Variants in ALPK2 observed in about 807,000 individuals in gnomAD.
ALPK2 encodes alpha kinase 2.
In ALPK2, 127 loss-of-function variants were observed where a neutral mutation model predicts 163.1. The observed-to-expected ratio is 0.78, with a 90% CI of 0.67 to 0.90. The LOEUF (loss-of-function observed/expected upper bound fraction) is 0.90. Ranked by LOEUF, ALPK2 falls within the 40% of genes least tolerant of loss-of-function variation. The pLI is 0.00. For missense variants in ALPK2, 2,360 were observed against 2,589.6 expected, an observed-to-expected ratio of 0.91 and a Z score of 1.92; for synonymous variants, 953 against 959.1, an observed-to-expected ratio of 0.99 and a Z score of 0.12.
chr18:58,516,156 C>A (rs2051520251), intron 9 of ALPK2, among the ~76,000 whole-genome samples: 1 of 151,652 alleles, frequency 6.6e-6, no homozygotes, highest in Non-Finnish European at 1.5e-5. Flanking sequence ...GAGGCCGAGA[C>A]TGCTGTGGAG....
intron 4 of ALPK2, among the ~76,000 whole-genome samples, chr18:58,573,943 C>T (rs2051905193): frequency 6.6e-6 from 1 of 152,118 alleles, no homozygotes; most frequent in East Asian, 1.9e-4. Flanking sequence ...GGACCATCCA[C>T]CACATGTTTT....
intron 3 of ALPK2, chr18:58,580,768 C>A: frequency 1.8e-6 from 1 of 563,582 alleles, no homozygotes; most frequent in South Asian, 2.2e-5. Flanking sequence ...TCCCTTGAAA[C>A]TTTCCTCAAC....
At chr18:58,551,110 G>GA (rs34939805) in intron 4 of ALPK2, among the ~76,000 whole-genome samples, 27,220 of 146,522 alleles carry the variant, frequency 0.19, 2,683 homozygotes, top group East Asian at 0.31. Context: ...AACAAAAATG[G>GA]AAAAAAAAAA....
In ALPK2 at chr18:58,579,947, A is replaced by G. The variant is rs149459736; in HGVS notation, c.829T>C (p.Ser277Pro). The G allele has an allele frequency of 4.3e-6, 7 of 1,614,072 alleles. No homozygotes were observed. The African/African-American group carries it at 5.3e-5, about 12-fold the overall frequency. Residue 277 changes from serine to proline, a missense_variant, in exon 4 of 13, where the codon TCT (serine) becomes CCT (proline). Coordinates refer to ENST00000361673, the MANE Select transcript of ALPK2 (RefSeq NM_052947.4). ...GGGTAAATGTGTGCAGTTGCCTCAG[A>G]TAGCGGGAGGCTGAAGCTAATGTAT... ...QKYISFSLPL[S>P]EATAHIYPGD...
At chr18:58,590,199 G>A (rs529053846) in intron 3 of ALPK2, among the ~76,000 whole-genome samples, 7 of 144,658 alleles carry the variant, frequency 4.8e-5, no homozygotes, top group South Asian at 2.2e-4. Context: ...CAACCTGGGC[G>A]ACAGAGCGAG....
intron 4 of ALPK2, 60 bp downstream of exon 4, chr18:58,578,754 A>G (rs1388939537): frequency 7.5e-3 from 8,074 of 1,079,582 alleles, no homozygotes; most frequent in Non-Finnish European, 9.1e-3. Context: ...ACACACACAC[A>G]CACACACACA....
At chr18:58,607,923 A>C (rs746632111) in intron 2 of ALPK2, among the ~76,000 whole-genome samples, 51 of 152,296 alleles carry the variant, frequency 3.3e-4, no homozygotes, top group Middle Eastern at 6.8e-3. Context: ...TCTAGGAGAA[A>C]AGATAATCCT....
At chr18:58,619,068 C>T (rs998741653) in intron 1 of ALPK2, among the ~76,000 whole-genome samples, 3 of 152,226 alleles carry the variant, frequency 2.0e-5, no homozygotes, top group Non-Finnish European at 4.4e-5. Flanking sequence ...GGACACCGCA[C>T]CCTCTGTCAC....
intron 3 of ALPK2, among the ~76,000 whole-genome samples, chr18:58,590,484 T>C (rs921899221): frequency 1.3e-5 from 2 of 152,178 alleles, no homozygotes; most frequent in African/African-American, 4.8e-5. Flanking sequence ...GGAAGAGGGC[T>C]CCACTCAATA....
rs2051513739 is a variant in ALPK2, at chr18:58,515,005, C to T, written c.6017G>A (p.Gly2006Glu). ...TAAACACACTTACTCAGGTACTTCT[C>T]CAAAGCCTTCCAGAGGCTGTGCTTC... ...AAEAQPLEGF[G>E]EVPEIIPIFL... The change falls in exon 10 of 13, where the codon GGA becomes GAA. Residue 2006 changes from glycine to glutamate, a missense_variant. Gly to Glu is a moderately conservative substitution (Grantham distance 98). Coordinates refer to ENST00000361673, the MANE Select transcript of ALPK2 (RefSeq NM_052947.4). 2 of 1,612,592 alleles carry T rather than the reference C, an allele frequency of 1.2e-6. No homozygotes were observed. The highest frequency in any genetic ancestry group is 1.7e-6 in the Non-Finnish European group (2 of 1,179,198).
chr18:58,573,614 T>TTC lies in ALPK2; in HGVS notation c.1962+5199_1962+5200insGA, dbSNP rs1491546255. ...GAGGCATGTTGCCATTTTTGTCTTC[T>TTC]TTTTTTTTTTTTTTTTTTTTTTTAG... On this transcript the variant is annotated intron_variant, in intron 4 of 12. Coordinates refer to ENST00000361673, the MANE Select transcript of ALPK2 (RefSeq NM_052947.4). Among the ~76,000 whole-genome samples the TTC allele has an allele frequency of 1.0e-4, 3 of 28,588 alleles. No homozygotes were observed. The East Asian group carries it at 0.011, about 101-fold the overall frequency. The allele number at this position is 28,588 out of a possible 152,430, so 18.8% of individuals were successfully genotyped here.
At chr18:58,556,166 A>G (rs910208602) in intron 4 of ALPK2, among the ~76,000 whole-genome samples, 1 of 137,072 alleles carries the variant, frequency 7.3e-6, no homozygotes, top group Non-Finnish European at 1.5e-5. Context: ...ATTGGACTAG[A>G]TCTCACACAC....
chr18:58,544,488 T>C lies in ALPK2; in HGVS notation c.1963-6264A>G, dbSNP rs373037441. On this transcript the variant is annotated intron_variant, in intron 4 of 12. Transcript: ENST00000361673. ...AAGGTTGTATGAGATAAGATCCCTC[T>C]CCTCAAATAGCTTATAATCCAGTTG... 9.9e-5 allele frequency: 15 copies of C among 152,284 alleles called. No homozygotes were observed. The East Asian group carries it at 2.9e-3, about 29-fold the overall frequency. 9.4% of individuals were successfully genotyped at this position (152,284 alleles called of 1,614,324 possible).
chr18:58,577,330 C>CT (rs1484601058), intron 4 of ALPK2, among the ~76,000 whole-genome samples: 1 of 152,160 alleles, frequency 6.6e-6, no homozygotes, highest in Non-Finnish European at 1.5e-5. Flanking sequence ...AAATAGCCCC[C>CT]TTCCCTTCCA....
At chr18:58,578,410 T>C (rs2051933156) in intron 4 of ALPK2, 1 of 159,300 alleles carries the variant, frequency 6.3e-6, no homozygotes, top group Non-Finnish European at 1.4e-5. Flanking sequence ...AATGTTTTTT[T>C]CCCCCTTCTT....
At position 58,550,453 on chromosome 18, in the gene ALPK2, C is replaced by A. The variant is rs887438003; in HGVS notation, c.1963-12229G>T. Among the ~76,000 whole-genome samples the A allele has an allele frequency of 2.1e-5, 3 of 145,228 alleles. No individual in the cohort carries two copies. The South Asian group carries it at 7.2e-4, about 35-fold the overall frequency. On this transcript the variant is annotated intron_variant, in intron 4 of 12. Coordinates refer to ENST00000361673, the MANE Select transcript of ALPK2 (RefSeq NM_052947.4). Reference sequence around the variant, plus strand: ...ACTCTACCCCCATCTATATCATATACAACCCCATCCCCATCTCCATCATAT... The same window carrying A: ...ACTCTACCCCCATCTATATCATATAAAACCCCATCCCCATCTCCATCATAT...
At chr18:58,529,284 A>T in intron 5 of ALPK2, 46 bp from the exon 6 acceptor site, 1 of 1,519,602 alleles carries the variant, frequency 6.6e-7, no homozygotes, top group East Asian at 2.3e-5. Flanking sequence ...AGACTTTCCC[A>T]TTTCATACCA....
chr18:58,609,171 A>G lies in ALPK2; in HGVS notation c.110-1732T>C, dbSNP rs186866866. Among the ~76,000 whole-genome samples, 8 of 151,134 alleles carry G rather than the reference A, an allele frequency of 5.3e-5. No individual in the cohort carries two copies. The East Asian group carries it at 1.6e-3, about 30-fold the overall frequency. The stretch of plus-strand genomic sequence containing the variant: ...ATGCCATGAATGCGCTTTTTTGGCA[A>G]CTGTGGATTTTTCCTCCTTGCCTTC... On this transcript the variant is annotated intron_variant, in intron 2 of 12. Transcript: ENST00000361673.
chr18:58,575,772 A>G (rs977677354), intron 4 of ALPK2, among the ~76,000 whole-genome samples: 3 of 152,240 alleles, frequency 2.0e-5, no homozygotes, highest in Non-Finnish European at 4.4e-5. Context: ...ATAATCTTCC[A>G]TAAATATAGA....
Sources: gnomAD v4.1 joint callset for allele counts (sites outside exome capture counted in the v4.1 genomes callset) on GRCh38, gnomAD v4.1.1 for gene constraint, MANE v1.5 for transcripts, NCBI Gene and HGNC (gene_info 2026-07-23, HGNC 2026-07-21) for gene names.